The following FER1L5 variants were observed in gnomAD, a reference collection of about 807,000 sequenced individuals.
FER1L5 encodes the protein fer-1-like protein 5.
A neutral mutation model predicts 279.9 loss-of-function variants in FER1L5; 187 were observed. The observed-to-expected ratio is 0.67, with a 90% CI of 0.59 to 0.75. FER1L5 has a LOEUF of 0.75. FER1L5 is among the 30% of genes least tolerant of loss of function. The pLI, the probability that FER1L5 is intolerant of heterozygous loss-of-function variation, is 0.00. For missense variants in FER1L5, 2,091 were observed against 2,594.4 expected, an observed-to-expected ratio of 0.81 and a Z score of 4.21; for synonymous variants, 921 against 989.7, an observed-to-expected ratio of 0.93 and a Z score of 1.30.
rs1421306160 is a variant in FER1L5, at chr2:96,694,443, G to C, written c.3720G>C (p.Thr1240=). The change falls in exon 34 of 53, where the codon ACG becomes ACC. Residue 1240 remains threonine (T), a synonymous_variant. Coordinates refer to ENST00000624922, the MANE Select transcript of FER1L5 (RefSeq NM_001293083.2). The surrounding 1 kb of genome is among the most constrained non-coding windows in gnomAD (Gnocchi z 4.6). ...AYTLPKSIQP[T]IKRMAIEILA... is the part of the protein sequence containing the mutation. ...CACTCCCCAAGAGCATCCAGCCCAC[G>C]ATAAAGAGGATGGCCATTGAGGTGC... is the stretch of plus-strand genomic sequence containing the variant. The C allele has an allele frequency of 6.5e-7, 1 of 1,547,428 alleles. No homozygotes were observed. The highest frequency in any genetic ancestry group is 8.7e-7 in the Non-Finnish European group (1 of 1,144,536).
chr2:96,645,774 T>TCACA (rs2075093629), intron 1 of FER1L5, among the ~76,000 whole-genome samples: 1 of 147,118 alleles, frequency 6.8e-6, no homozygotes, highest in Non-Finnish European at 1.5e-5. Flanking sequence ...AGACCTTGTG[T>TCACA]CACACACACT....
chr2:96,647,166 G>C lies in FER1L5; in HGVS notation c.230+11G>C. The C allele has an allele frequency of 1.9e-6, 3 of 1,551,528 alleles. No individual in the cohort carries two copies. Among genetic ancestry groups the C allele is most frequent in the Non-Finnish European group, 1.7e-6 (2 of 1,146,892 alleles). ...ACAAAAGAAAGAAAGGTGAGGCAGA[G>C]AGAGGCAGGAGGAGCCTAGCTCCTG... On this transcript the variant is annotated intron_variant, in intron 3 of 52. Coordinates refer to ENST00000624922, the MANE Select transcript of FER1L5 (RefSeq NM_001293083.2).
chr2:96,659,488 TCTTTCTTTCTTTCTTTC>T, intron 9 of FER1L5, among the ~76,000 whole-genome samples: 1 of 39,690 alleles, frequency 2.5e-5, no homozygotes, highest in Non-Finnish European at 3.8e-5. Context: ...TTTCTTTCTT[TCTTTCTTTCTTTCTTTC>T]TTTCGAGACA....
chr2:96,662,894 C>T lies in FER1L5; in HGVS notation c.1072-545C>T, dbSNP rs1377232135. ...ATTTCCCAGTGAGTGGTTGGGTACC[C>T]CCAAAGCTAGGTGAAACGTTCTCAG... On this transcript the variant is annotated intron_variant, in intron 13 of 52. Coordinates refer to ENST00000624922, the MANE Select transcript of FER1L5 (RefSeq NM_001293083.2). 2.6e-5 allele frequency among the ~76,000 whole-genome samples: 4 copies of T among 152,194 alleles called. No homozygotes were observed. The East Asian group carries it at 5.8e-4, about 22-fold the overall frequency.
intron 43 of FER1L5, 46 bp downstream of exon 43, chr2:96,699,766 G>A (rs780799933): frequency 6.2e-7 from 1 of 1,607,968 alleles, no homozygotes; most frequent in South Asian, 1.1e-5. Flanking sequence ...TGGGGTGGAA[G>A]AGTGAGCCTA....
chr2:96,694,752 G>C lies in FER1L5; in HGVS notation c.3741+288G>C, dbSNP rs1287156379. 3.5e-6 allele frequency: 1 copy of C among 283,858 alleles called. No homozygotes were observed. The highest frequency in any genetic ancestry group is 2.2e-5 in the African/African-American group (1 of 45,876). The allele number at this position is 283,858 out of a possible 1,614,324, so 17.6% of individuals were successfully genotyped here. The stretch of plus-strand genomic sequence containing the variant: ...TGCGCAGTAGCAACTACTTTGCAGA[G>C]AAGGAAATAGAGGCTCCAAGAGATA... On this transcript the variant is annotated intron_variant, in intron 34 of 52. Transcript: ENST00000624922. The surrounding 1 kb of genome is among the most constrained non-coding windows in gnomAD (Gnocchi z 4.6).
Position 96,646,444 on chromosome 2 carries a change from G to T in FER1L5, c.129G>T (p.Val43=). 3 of 1,551,786 alleles carry T rather than the reference G, an allele frequency of 1.9e-6. No individual in the cohort carries two copies. Among genetic ancestry groups the T allele is most frequent in the Non-Finnish European group, 2.6e-6 (3 of 1,146,964 alleles). The change falls in exon 2 of 53, where the codon GTG becomes GTT. Residue 43 remains valine, a synonymous_variant. Transcript: ENST00000624922. ...RTRVVEGNDP[V]WNETLIWHLW... is the part of the protein sequence containing the mutation. ...GTGTGGTGGAAGGGAATGATCCCGT[G>T]TGGAATGAGGTAGACAACAGGGCAA... is the stretch of plus-strand genomic sequence containing the variant.
At chr2:96,695,708 G>A in intron 35 of FER1L5, 34 bp from the exon 36 acceptor site, 1 of 1,608,642 alleles carries the variant, frequency 6.2e-7, no homozygotes, top group East Asian at 2.2e-5. Context: ...TCTTCTGTGG[G>A]TCTCACGCTC....
chr2:96,697,779 A>T lies in FER1L5; in HGVS notation c.4236+18A>T. The T allele has an allele frequency of 6.2e-7, 1 of 1,612,022 alleles. No individual in the cohort carries two copies. Among genetic ancestry groups the T allele is most frequent in the Non-Finnish European group, 8.5e-7 (1 of 1,178,270 alleles). Reference sequence around the variant, plus strand: ...CCCTCAAGGTTTGAAGGAGGGAAGAAATGGGATGGAATCAAATCTCCCACT... The same window carrying T: ...CCCTCAAGGTTTGAAGGAGGGAAGATATGGGATGGAATCAAATCTCCCACT... On this transcript the variant is annotated intron_variant, in intron 39 of 52. Coordinates refer to ENST00000624922, the MANE Select transcript of FER1L5 (RefSeq NM_001293083.2).
intron 24 of FER1L5, chr2:96,688,842 C>T (rs1419468409): frequency 1.4e-5 from 3 of 211,676 alleles, no homozygotes; most frequent in Non-Finnish European, 2.8e-5. Context: ...TCCTGCACCA[C>T]TTGACCACCA....
intron 18 of FER1L5, among the ~76,000 whole-genome samples, chr2:96,672,700 C>G (rs1174974050): frequency 1.3e-5 from 2 of 151,618 alleles, no homozygotes; most frequent in Non-Finnish European, 2.9e-5. Context: ...AACCTCAGCC[C>G]TACACCCCTA....
Position 96,698,995 on chromosome 2 carries a change from T to C in FER1L5, c.4519-50T>C. On this transcript the variant is annotated intron_variant, in intron 41 of 52. Transcript: ENST00000624922. This position sits in a 1 kb window ranked among gnomAD's most constrained non-coding sequence, Gnocchi z 5.5. The stretch of plus-strand genomic sequence containing the variant: ...CTCCTCCCACCCTCCCTGACAAACC[T>C]GGACGGCCTCCCCAGTTCCTATCCT... 1 of 1,544,780 alleles carries C rather than the reference T, an allele frequency of 6.5e-7. No individual in the cohort carries two copies. Among genetic ancestry groups the C allele is most frequent in the South Asian group, 1.2e-5 (1 of 85,106 alleles).
intron 31 of FER1L5, 142 bp downstream of exon 31, chr2:96,692,323 C>G (rs867084897): frequency 1.1e-6 from 1 of 877,242 alleles, no homozygotes; most frequent in Middle Eastern, 3.0e-4. Context: ...CAGCTGCAAG[C>G]CTTGTCCCTG....
At chr2:96,650,810 G>T (rs143295332) in intron 6 of FER1L5, among the ~76,000 whole-genome samples, 1 of 152,194 alleles carries the variant, frequency 6.6e-6, no homozygotes, top group Non-Finnish European at 1.5e-5. Context: ...TGCTCCTCGC[G>T]CAGCAGCTGG....
At position 96,702,498 on chromosome 2, in the gene FER1L5, C is replaced by A; in HGVS notation, c.5255+97C>A. On this transcript the variant is annotated intron_variant, in intron 47 of 52. Coordinates refer to ENST00000624922, the MANE Select transcript of FER1L5 (RefSeq NM_001293083.2). This position sits in a 1 kb window ranked among gnomAD's most constrained non-coding sequence, Gnocchi z 4.0. ...AGTCCTGAATGGGACACCTCTCCAT[C>A]CAGCTCTGCCTGGCGTCGGCTGGGC... is the stretch of plus-strand genomic sequence containing the variant. The A allele has an allele frequency of 6.5e-7, 1 of 1,549,790 alleles. No homozygotes were observed. The highest frequency in any genetic ancestry group is 8.7e-7 in the Non-Finnish European group (1 of 1,146,210).
At chr2:96,678,159 C>G (rs540199348) in intron 19 of FER1L5, among the ~76,000 whole-genome samples, 1 of 151,806 alleles carries the variant, frequency 6.6e-6, no homozygotes, top group Non-Finnish European at 1.5e-5. Flanking sequence ...GAATCTCGCT[C>G]TGACACCCAG....
intron 9 of FER1L5, among the ~76,000 whole-genome samples, chr2:96,655,970 C>T (rs2075582836): frequency 1.3e-5 from 2 of 152,200 alleles, no homozygotes; most frequent in South Asian, 4.1e-4. Context: ...CCTCAGCCTT[C>T]CAAAGTGCTG....
chr2:96,686,008 G>T lies in FER1L5; in HGVS notation c.1964G>T (p.Arg655Leu). 1 of 1,551,434 alleles carries T rather than the reference G, an allele frequency of 6.4e-7. No individual in the cohort carries two copies. Among genetic ancestry groups the T allele is most frequent in the Non-Finnish European group, 8.7e-7 (1 of 1,146,950 alleles). Residue 655 changes from arginine (R) to leucine (L), a missense_variant, in exon 22 of 53, where the codon CGC becomes CTC. By Grantham distance (102) the Arg-to-Leu change is moderately radical. Transcript: ENST00000624922. ...TSLDRKRWQL[R>L]SLLLQELAQK... The stretch of plus-strand genomic sequence containing the variant: ...CTGGACAGGAAGAGGTGGCAGCTCC[G>T]CAGCCTCCTCCTGCAGGAACTGGCC...
rs1273671251 is a variant in FER1L5 at position 96,668,963 on chromosome 2, T to C, written c.1262T>C (p.Ile421Thr). 4 of 1,551,382 alleles carry C rather than the reference T, an allele frequency of 2.6e-6. No homozygotes were observed. The highest frequency in any genetic ancestry group is 2.4e-5 in the East Asian group (1 of 40,890). ...CAGATCTCGTCCACCGGAGAAGAGA[T>C]AGAAGGCAAGCAAAGCCTCGAGCCC... ...LNQISSTGEE[I>T]EGVYSGFLPC... The change falls in exon 16 of 53, where the codon ATA becomes ACA. Residue 421 changes from isoleucine (I) to threonine (T), a missense_variant. By Grantham distance (89) the Ile-to-Thr change is moderately conservative. Transcript: ENST00000624922.
Sources: gnomAD v4.1 joint callset for allele counts (sites outside exome capture counted in the v4.1 genomes callset) on GRCh38, gnomAD v4.1.1 for gene constraint, Gnocchi (gnomAD v3.1) non-coding constraint, MANE v1.5 for transcripts, NCBI Gene and HGNC (gene_info 2026-07-23, HGNC 2026-07-21) for gene names.